The following NT5C2 variants were observed in gnomAD, a reference collection of about 807,000 sequenced individuals.
NT5C2 encodes 5'-nucleotidase, cytosolic II.
In NT5C2, 58 loss-of-function variants were observed where a neutral mutation model predicts 76.1. The observed-to-expected ratio is 0.76, with a 90% CI of 0.62 to 0.95. The LOEUF (loss-of-function observed/expected upper bound fraction) is 0.95. Among genes scored for constraint, NT5C2 ranks in the 40% least tolerant of loss-of-function variants. The pLI, the probability that NT5C2 is intolerant of heterozygous loss-of-function variation, is 0.00. For synonymous variants in NT5C2, 229 were observed against 237.4 expected (o/e 0.96, Z 0.32); for missense variants, 478 against 690.3 (o/e 0.69, Z 3.45).
chr10:103,091,406 T>C (rs1304128448), intron 16 of NT5C2, among the ~76,000 whole-genome samples, 158 bp downstream of exon 16: 1 of 151,624 alleles, frequency 6.6e-6, no homozygotes, highest in Non-Finnish European at 1.5e-5. Flanking sequence ...AGTGCAATGG[T>C]GCAATCTCAG....
At chr10:103,125,488 G>A in intron 4 of NT5C2, 1 of 208,906 alleles carries the variant, frequency 4.8e-6, no homozygotes, top group African/African-American at 2.4e-5. Flanking sequence ...TCACTTAACA[G>A]CTGCTGGCTA....
intron 3 of NT5C2, among the ~76,000 whole-genome samples, chr10:103,169,977 T>C (rs1021382654): frequency 1.3e-5 from 2 of 151,896 alleles, no homozygotes; most frequent in Non-Finnish European, 2.9e-5. Context: ...CAAAAATTAC[T>C]TGGGCATGGT....
At chr10:103,134,090 G>A (rs897906187) in intron 4 of NT5C2, among the ~76,000 whole-genome samples, 4 of 152,134 alleles carry the variant, frequency 2.6e-5, no homozygotes, top group South Asian at 2.1e-4. Flanking sequence ...TAAAAGTTCC[G>A]AAAATTTGCA....
intron 10 of NT5C2, chr10:103,097,944 T>C (rs2068607094): frequency 2.1e-6 from 1 of 477,694 alleles, no homozygotes; most frequent in Non-Finnish European, 4.1e-6. Context: ...AATAGATTCC[T>C]TCACTCAAAT....
intron 4 of NT5C2, among the ~76,000 whole-genome samples, chr10:103,108,464 T>G (rs1237124293): frequency 6.6e-6 from 1 of 152,212 alleles, no homozygotes; most frequent in Non-Finnish European, 1.5e-5. Context: ...TGCTAATACT[T>G]TAATGAGTGT....
At chr10:103,144,671 TCTC>T (rs1308007579) in intron 3 of NT5C2, among the ~76,000 whole-genome samples, 1 of 152,200 alleles carries the variant, frequency 6.6e-6, no homozygotes, top group Non-Finnish European at 1.5e-5. Flanking sequence ...AAATTGCACT[TCTC>T]CTCTCTTTAA....
chr10:103,102,037 A>G (rs1248164930), intron 6 of NT5C2, among the ~76,000 whole-genome samples: 3 of 152,128 alleles, frequency 2.0e-5, no homozygotes, highest in Middle Eastern at 3.2e-3. Flanking sequence ...GCAGAGGATA[A>G]TCCCATCGGG....
At chr10:103,119,427 C>T (rs940372017) in intron 4 of NT5C2, among the ~76,000 whole-genome samples, 12 of 152,160 alleles carry the variant, frequency 7.9e-5, no homozygotes, top group Non-Finnish European at 8.8e-5. Flanking sequence ...TAGAAGTGCT[C>T]ATTCCCTCAC....
chr10:103,137,639 A>G (rs1408186310), intron 4 of NT5C2, among the ~76,000 whole-genome samples: 1 of 152,232 alleles, frequency 6.6e-6, no homozygotes, highest in African/African-American at 2.4e-5. Context: ...GTTTTTGTGT[A>G]AAGACAAAAT....
chr10:103,090,566 T>C lies in NT5C2; in HGVS notation c.1449+45A>G, dbSNP rs375897574. ...ATCTCACAAAGGTGGTTGCTGACCC[T>C]GGGCTTAGAGTACATCTTGGCTGTC... is the stretch of plus-strand genomic sequence containing the variant. On this transcript the variant is annotated intron_variant, in intron 18 of 18. Transcript: ENST00000404739. 34 of 1,561,110 alleles carry C rather than the reference T, an allele frequency of 2.2e-5. No homozygotes were observed. In the African/African-American group the frequency reaches 3.8e-4, roughly 17 times the overall value.
At chr10:103,163,998 G>T (rs1330271100) in intron 3 of NT5C2, among the ~76,000 whole-genome samples, 1 of 152,092 alleles carries the variant, frequency 6.6e-6, no homozygotes, top group Non-Finnish European at 1.5e-5. Flanking sequence ...CAGTATTTTG[G>T]GAGTCCAAGG....
chr10:103,144,617 T>C (rs1034988066), intron 3 of NT5C2, among the ~76,000 whole-genome samples: 11 of 152,222 alleles, frequency 7.2e-5, no homozygotes, highest in Non-Finnish European at 1.5e-4. Flanking sequence ...TTCAGGAATA[T>C]GAAAATCTGG....
intron 3 of NT5C2, among the ~76,000 whole-genome samples, chr10:103,163,953 A>G (rs2085658021): frequency 6.6e-6 from 1 of 150,392 alleles, no homozygotes; most frequent in African/African-American, 2.4e-5. Flanking sequence ...TGAACCTGGG[A>G]GGCAGCCAGG....
intron 4 of NT5C2, chr10:103,125,146 T>G: frequency 1.8e-6 from 1 of 551,906 alleles, no homozygotes; most frequent in Non-Finnish European, 3.3e-6. Flanking sequence ...TACTCTACCA[T>G]TTTTCTAGAT....
At chr10:103,151,826 G>A (rs750450225) in intron 3 of NT5C2, among the ~76,000 whole-genome samples, 1 of 152,030 alleles carries the variant, frequency 6.6e-6, no homozygotes, top group Non-Finnish European at 1.5e-5. Context: ...ATAGCATAGA[G>A]AATAAAACTT....
At chr10:103,152,368 C>G (rs1424744868) in intron 3 of NT5C2, among the ~76,000 whole-genome samples, 1 of 152,094 alleles carries the variant, frequency 6.6e-6, no homozygotes, top group East Asian at 1.9e-4. Flanking sequence ...ATTACTTATA[C>G]CCCTGGTTGT....
chr10:103,140,622 C>T (rs993148016), intron 3 of NT5C2, among the ~76,000 whole-genome samples: 1 of 152,212 alleles, frequency 6.6e-6, no homozygotes. Flanking sequence ...GCATTTTCCA[C>T]GGTGGCTGCA....
chr10:103,191,085 C>T (rs970194580), intron 1 of NT5C2, among the ~76,000 whole-genome samples: 9 of 152,174 alleles, frequency 5.9e-5, no homozygotes, highest in Middle Eastern at 3.2e-3. Context: ...CTGAATTAAG[C>T]TTTTGGTAAG....
chr10:103,172,925 T>C (rs1195384008), intron 3 of NT5C2, among the ~76,000 whole-genome samples: 1 of 152,156 alleles, frequency 6.6e-6, no homozygotes, highest in Non-Finnish European at 1.5e-5. Flanking sequence ...GGAGAATTGC[T>C]TGAACCCAGG....
Sources: allele counts gnomAD v4.1 joint callset (sites outside exome capture counted in the v4.1 genomes callset), GRCh38; gene constraint gnomAD v4.1.1; transcripts MANE v1.5; gene names NCBI Gene and HGNC (gene_info 2026-07-23, HGNC 2026-07-21).